The following CHEK2 variants were observed in gnomAD, a reference collection of about 807,000 sequenced individuals.
CHEK2 encodes checkpoint kinase 2.
Under a neutral mutation model 69.1 loss-of-function variants are expected in CHEK2, and 71 were observed. That is an observed-to-expected ratio of 1.03 (90% CI 0.85 to 1.25). CHEK2 has a LOEUF of 1.25. Among genes scored for constraint, CHEK2 ranks in the 50% most tolerant of loss-of-function variants. The pLI, the probability that CHEK2 is intolerant of heterozygous loss-of-function variation, is 0.00. For synonymous variants in CHEK2, 189 were observed against 226.9 expected, an observed-to-expected ratio of 0.83 and a Z score of 1.50; for missense variants, 664 against 649.6, an observed-to-expected ratio of 1.02 and a Z score of -0.24.
intron 7 of CHEK2, among the ~76,000 whole-genome samples, chr22:28,705,407 C>T (rs1191746614): frequency 6.6e-6 from 1 of 151,918 alleles, no homozygotes; most frequent in Non-Finnish European, 1.5e-5. Context: ...ACACAACACT[C>T]AAAGGAAATA....
intron 14 of CHEK2, among the ~76,000 whole-genome samples, chr22:28,688,565 A>C (rs1238027351): frequency 2.0e-5 from 3 of 152,150 alleles, no homozygotes; most frequent in Non-Finnish European, 4.4e-5. Flanking sequence ...GATACTCGGG[A>C]GACTGAGGCA....
intron 2 of CHEK2, chr22:28,727,980 A>G (rs561054721): frequency 4.6e-5 from 7 of 152,364 alleles, no homozygotes; most frequent in African/African-American, 1.7e-4. Flanking sequence ...TCAAAATTAC[A>G]TATGGGCTGG....
chr22:28,706,581 T>A (rs776514898), intron 7 of CHEK2, among the ~76,000 whole-genome samples: 57 of 152,164 alleles, frequency 3.7e-4, no homozygotes, highest in Non-Finnish European at 6.0e-4. Flanking sequence ...AGTGCTGGGA[T>A]TATAGGCATG....
chr22:28,736,677 T>C (rs762702661), intron 1 of CHEK2, among the ~76,000 whole-genome samples: 1 of 152,088 alleles, frequency 6.6e-6, no homozygotes, highest in Non-Finnish European at 1.5e-5. Flanking sequence ...CAGTGGCTCA[T>C]ACCTGTAATC....
At chr22:28,703,449 T>G in intron 8 of CHEK2, 56 bp downstream of exon 8, 4 of 932,850 alleles carry the variant, frequency 4.3e-6, no homozygotes, top group Non-Finnish European at 6.8e-6. Context: ...GATTCTTTGG[T>G]GGCTTTATAA....
upstream of CHEK2, chr22:28,741,832 T>G: frequency 5.3e-6 from 3 of 564,592 alleles, no homozygotes; most frequent in South Asian, 2.1e-5. Context: ...GCGCTAAACC[T>G]GCAGATACAA....
rs978862065 is a variant in CHEK2, at chr22:28,698,047, C to T, written c.1009-1060G>A. On this transcript the variant is annotated intron_variant, in intron 9 of 14. Transcript: ENST00000404276. ...TTGCGTTGTACCCCATAAACATGTA[C>T]ACCTACTATGTGCCCACAAAAATTA... Among the ~76,000 whole-genome samples, 6 of 151,970 alleles carry T rather than the reference C, an allele frequency of 3.9e-5. No homozygotes were observed. The East Asian group carries it at 9.7e-4, about 24-fold the overall frequency.
chr22:28,732,433 G>C (rs1326618332), intron 2 of CHEK2, among the ~76,000 whole-genome samples: 2 of 151,800 alleles, frequency 1.3e-5, no homozygotes, highest in Admixed American at 1.3e-4. Flanking sequence ...TTTTAACAGA[G>C]ACAGGGTTTC....
rs779790857 is a variant in CHEK2, at chr22:28,724,885, C to T, written c.592+92G>A. 4 of 1,377,412 alleles carry T rather than the reference C, an allele frequency of 2.9e-6. No individual in the cohort carries two copies. The South Asian group carries it at 4.7e-5, about 16-fold the overall frequency. 85.3% of individuals were successfully genotyped at this position (1,377,412 alleles called of 1,614,324 possible). ...CCAGCAACTTACTCATCTTTACTCACTTAAACCATATTCTGTAAGGACAGG... is the reference window on the plus strand; with the variant it reads ...CCAGCAACTTACTCATCTTTACTCATTTAAACCATATTCTGTAAGGACAGG... On this transcript the variant is annotated intron_variant, in intron 4 of 14. Transcript: ENST00000404276.
intron 1 of CHEK2, 63 bp downstream of exon 1, chr22:28,741,706 C>G (rs2054561142): frequency 4.1e-6 from 1 of 245,580 alleles, no homozygotes. Context: ...TCCGTTCGCA[C>G]AAAACGCTTA....
intron 6 of CHEK2, among the ~76,000 whole-genome samples, chr22:28,711,484 A>G (rs1039819466): frequency 6.6e-6 from 1 of 152,224 alleles, no homozygotes; most frequent in Non-Finnish European, 1.5e-5. Context: ...AACTGTATAT[A>G]CAAGATGATT....
chr22:28,703,582 GA>G lies in CHEK2; in HGVS notation c.847-17del, dbSNP rs2145879637. 5.3e-6 allele frequency: 8 copies of G among 1,500,906 alleles called. No individual in the cohort carries two copies. Among genetic ancestry groups the G allele is most frequent in the Non-Finnish European group, 6.4e-6 (7 of 1,086,060 alleles). The allele number at this position is 1,500,906 out of a possible 1,614,324, so 93.0% of individuals were successfully genotyped here. On this transcript the variant is annotated splice_polypyrimidine_tract_variant and intron_variant, in intron 7 of 14. Coordinates refer to ENST00000404276, the MANE Select transcript of CHEK2 (RefSeq NM_007194.4). The stretch of plus-strand genomic sequence containing the variant: ...TGATGCAAGGCTAAGAAGAGGGGGA[GA>G]AAAAAGGGAAAGTAGTGAGAAACTC...
At chr22:28,733,055 G>A (rs2054265170) in intron 2 of CHEK2, among the ~76,000 whole-genome samples, 2 of 152,186 alleles carry the variant, frequency 1.3e-5, no homozygotes. Context: ...GCCTCCCAAA[G>A]TGCTGGGATT....
chr22:28,705,310 C>A (rs1405516341), intron 7 of CHEK2, among the ~76,000 whole-genome samples: 1 of 151,856 alleles, frequency 6.6e-6, no homozygotes, highest in Non-Finnish European at 1.5e-5. Flanking sequence ...AACTCCTGAC[C>A]TCGTGATCCA....
At chr22:28,690,729 A>G (rs2052329995) in intron 13 of CHEK2, among the ~76,000 whole-genome samples, 1 of 152,052 alleles carries the variant, frequency 6.6e-6, no homozygotes. Flanking sequence ...CTTGAGCCTG[A>G]AAGTCATGGT....
rs5762748 is a variant in CHEK2, at chr22:28,694,902, G to A, written c.1375+225C>T. Among the ~76,000 whole-genome samples, 10,082 of 152,244 alleles carry A rather than the reference G, an allele frequency of 0.066. 509 individuals carry two copies. The highest frequency in any genetic ancestry group is 0.15 in the South Asian group (704 of 4,824). On this transcript the variant is annotated intron_variant, in intron 12 of 14. Transcript: ENST00000404276. ...TACACAGAAAGAAATTGGAGATGGAGGTTAAATAACTTGCCTAAGGCCACA... is the reference window on the plus strand; with the variant it reads ...TACACAGAAAGAAATTGGAGATGGAAGTTAAATAACTTGCCTAAGGCCACA...
chr22:28,689,356 A>C, intron 13 of CHEK2, 141 bp from the exon 14 acceptor site: 1 of 741,372 alleles, frequency 1.3e-6, no homozygotes, highest in Non-Finnish European at 2.4e-6. Flanking sequence ...TCCCACAGCG[A>C]AGGCATTATG....
chr22:28,719,285 T>C (rs996026717), intron 5 of CHEK2, 110 bp downstream of exon 5: 6 of 597,128 alleles, frequency 1.0e-5, no homozygotes, highest in South Asian at 4.6e-5. Flanking sequence ...ATAGATACCA[T>C]ACAAATGTTA....
intron 13 of CHEK2, among the ~76,000 whole-genome samples, chr22:28,691,053 T>C (rs4035540): frequency 0.79 from 117,103 of 148,046 alleles, 45,055 homozygotes; most frequent in South Asian, 0.86. Context: ...ATCTGGATTC[T>C]ACTCCGCACC....
Sources: allele counts gnomAD v4.1 joint callset (sites outside exome capture counted in the v4.1 genomes callset), GRCh38; gene constraint gnomAD v4.1.1; transcripts MANE v1.5; gene names NCBI Gene and HGNC (gene_info 2026-07-23, HGNC 2026-07-21).